Variants in NELFA observed in about 807,000 individuals in gnomAD.
The protein encoded by NELFA is negative elongation factor A.
NELFA carries 35 observed loss-of-function variants against 51.8 expected under a neutral mutation model. The ratio of observed to expected loss-of-function variants is 0.68; its 90% CI spans 0.52 to 0.90. NELFA has a LOEUF of 0.90. Among genes scored for constraint, NELFA ranks in the 40% least tolerant of loss-of-function variants. NELFA has a pLI of 0.00. For missense variants in NELFA, 658 were observed against 746.4 expected, an observed-to-expected ratio of 0.88 and a Z score of 1.38; for synonymous variants, 417 against 338.4, an observed-to-expected ratio of 1.23 and a Z score of -2.55.
chr4:1,991,897 C>G, intron 1 of NELFA, 182 bp from the exon 2 acceptor site: 1 of 610,434 alleles, frequency 1.6e-6, no homozygotes, highest in South Asian at 2.1e-5. Context: ...ACCTTGCTTC[C>G]CTGAGCAGCA....
chr4:1,998,285 G>A (rs751867277), intron 1 of NELFA, among the ~76,000 whole-genome samples: 3 of 152,048 alleles, frequency 2.0e-5, no homozygotes, highest in African/African-American at 4.8e-5. Context: ...AGAACTAGAC[G>A]GAGGATTGGA....
At chr4:1,986,524 G>C (rs774597860) in intron 4 of NELFA, 122 bp from the exon 5 acceptor site, 4 of 1,467,844 alleles carry the variant, frequency 2.7e-6, no homozygotes, top group Non-Finnish European at 3.7e-6. Context: ...CAAACCCCTG[G>C]CGGGCAGCGG....
rs926354076 is a variant in NELFA at position 1,991,787 on chromosome 4, G to A, written c.211-72C>T. 1.4e-5 allele frequency: 21 copies of A among 1,477,980 alleles called. No individual in the cohort carries two copies. The Admixed American group carries it at 3.3e-4, about 23-fold the overall frequency. 91.6% of individuals were successfully genotyped at this position (1,477,980 alleles called of 1,614,324 possible). A position where few individuals can be genotyped will look rare whatever the true frequency, so the allele number is the denominator to read the frequency against. ...CAAGCCCACTCCCTGCTGAGCTTCC[G>A]GATGGGCACTGGGCAGTGGCCGGGC... On this transcript the variant is annotated intron_variant, in intron 1 of 10. Coordinates refer to ENST00000382882, the MANE Select transcript of NELFA (RefSeq NM_005663.5).
chr4:1,993,441 T>C (rs192043638), intron 1 of NELFA, among the ~76,000 whole-genome samples: 1,525 of 152,042 alleles, frequency 0.01, 23 homozygotes, highest in African/African-American at 0.035. Flanking sequence ...TAGCCGGGCG[T>C]GGTAGCGCAT....
chr4:1,989,328 A>C lies in NELFA; in HGVS notation c.544+380T>G, dbSNP rs1438550030. 6.6e-6 allele frequency among the ~76,000 whole-genome samples: 1 copy of C among 151,718 alleles called. No individual in the cohort carries two copies. Among genetic ancestry groups the C allele is most frequent in the Non-Finnish European group, 1.5e-5 (1 of 67,934 alleles). On this transcript the variant is annotated intron_variant, in intron 3 of 10. Coordinates refer to ENST00000382882, the MANE Select transcript of NELFA (RefSeq NM_005663.5). This position sits in a 1 kb window ranked among gnomAD's most constrained non-coding sequence, Gnocchi z 4.8. ...ACTTCTAACAAAAAACTTTATGCAG[A>C]ACTTTATCTTCTTTTTCTTGAGACA...
intron 1 of NELFA, among the ~76,000 whole-genome samples, chr4:2,000,541 G>A (rs1036570213): frequency 2.6e-5 from 4 of 152,038 alleles, no homozygotes; most frequent in African/African-American, 9.7e-5. Context: ...AAATAAACTA[G>A]AAAATCTAGA....
rs1728107570 is a variant in NELFA, at chr4:1,986,587, C to T, written c.635-185G>A. ...AGGAGCAGGGGAACGCCTGGAGCCA[C>T]GACCTCACACTTTGCCAAGACACCA... is the stretch of plus-strand genomic sequence containing the variant. On this transcript the variant is annotated intron_variant, in intron 4 of 10. Transcript: ENST00000382882. 5.9e-6 allele frequency: 5 copies of T among 846,224 alleles called. No individual in the cohort carries two copies. The Admixed American group carries it at 8.7e-5, about 15-fold the overall frequency. 52.4% of individuals were successfully genotyped at this position (846,224 alleles called of 1,614,324 possible).
chr4:2,008,691 C>A, intron 1 of NELFA, 59 bp downstream of exon 1: 1 of 1,540,774 alleles, frequency 6.5e-7, no homozygotes, highest in Non-Finnish European at 8.8e-7. Context: ...GTTGGGTGTG[C>A]GGGTCGGAGG....
At chr4:1,991,836 T>TTCCTCCTG in intron 1 of NELFA, 121 bp from the exon 2 acceptor site, 1 of 1,027,332 alleles carries the variant, frequency 9.7e-7, no homozygotes. Flanking sequence ...CCCCCAACAC[T>TTCCTCCTG]TCCTCCTGAG....
rs1727940575 is a variant in NELFA, at chr4:1,983,067, C to T, written c.*252G>A. 7.5e-6 allele frequency: 3 copies of T among 399,314 alleles called. No individual in the cohort carries two copies. The highest frequency in any genetic ancestry group is 7.9e-5 in the East Asian group (2 of 25,238). The allele number at this position is 399,314 out of a possible 1,614,324, so 24.7% of individuals were successfully genotyped here. On this transcript the variant is annotated 3_prime_UTR_variant, in exon 11 of 11. Transcript: ENST00000382882. The stretch of plus-strand genomic sequence containing the variant: ...ACTTTTTTGGTTAATTTACTTACTA[C>T]ATTCAAAAATGTAACGTTGAGTCCA...
intron 4 of NELFA, chr4:1,987,682 C>T (rs1451189758): frequency 7.4e-6 from 4 of 541,932 alleles, no homozygotes; most frequent in Non-Finnish European, 1.3e-5. Flanking sequence ...CCGTGCCCAG[C>T]ACTGTCCTCA....
At chr4:2,005,976 C>A (rs989553927) in intron 1 of NELFA, among the ~76,000 whole-genome samples, 1 of 152,086 alleles carries the variant, frequency 6.6e-6, no homozygotes, top group Non-Finnish European at 1.5e-5. Context: ...GCAGGCTCTA[C>A]GTGTTTAAGA....
rs757455998 is a variant in NELFA at position 2,008,786 on chromosome 4, G to A, written c.174C>T (p.Leu58=). The A allele has an allele frequency of 6.2e-7, 1 of 1,612,416 alleles. No individual in the cohort carries two copies. The highest frequency in any genetic ancestry group is 2.2e-5 in the East Asian group (1 of 44,778). The change falls in exon 1 of 11, where the codon CTC becomes CTT. Residue 58 remains leucine, a synonymous_variant. Transcript: ENST00000382882. Reference sequence around the variant, plus strand: ...TGCGGCGCGGGAGGTGCAGCGTCCCGAGTAGCAACTTGAGCTTCACTGCCG... The same window carrying A: ...TGCGGCGCGGGAGGTGCAGCGTCCCAAGTAGCAACTTGAGCTTCACTGCCG... The part of the protein sequence containing the change: ...LSSAVKLKLL[L]GTLHLPRRTV...
At chr4:1,990,082 T>A in intron 2 of NELFA, 4 of 595,654 alleles carry the variant, frequency 6.7e-6, no homozygotes, top group Non-Finnish European at 1.2e-5. Flanking sequence ...GAGGCGGGCA[T>A]GCCTTGAGAG....
At chr4:2,007,184 T>C (rs1728731650) in intron 1 of NELFA, 2 of 411,806 alleles carry the variant, frequency 4.9e-6, no homozygotes, top group African/African-American at 2.0e-5. Flanking sequence ...TCCAGCCTGG[T>C]TGACAGCGCC....
At position 1,989,666 on chromosome 4, in the gene NELFA, A is replaced by C. The variant is rs377487314; in HGVS notation, c.544+42T>G. 1.6e-4 allele frequency: 256 copies of C among 1,587,512 alleles called. No homozygotes were observed. Among genetic ancestry groups the C allele is most frequent in the Middle Eastern group, 5.1e-4 (3 of 5,916 alleles). The stretch of plus-strand genomic sequence containing the variant: ...TAGAACCTAAGAAACCTATGACTGG[A>C]AACTACAAAGACAATGCCCGATGGC... On this transcript the variant is annotated intron_variant, in intron 3 of 10. Transcript: ENST00000382882. This position sits in a 1 kb window ranked among gnomAD's most constrained non-coding sequence, Gnocchi z 4.8.
At chr4:1,985,737 G>A (rs753542127) in intron 7 of NELFA, 39 bp downstream of exon 7, 16 of 1,532,962 alleles carry the variant, frequency 1.0e-5, no homozygotes, top group South Asian at 5.6e-5. Flanking sequence ...AGGGGCACCC[G>A]CAGTGGTGCC....
At chr4:1,991,994 A>ACT (rs60485214) in intron 1 of NELFA, 97,099 of 366,450 alleles carry the variant, frequency 0.26, 14,251 homozygotes, top group African/African-American at 0.34. Context: ...CACTGGGCCT[A>ACT]CTCTTCCACC....
intron 1 of NELFA, among the ~76,000 whole-genome samples, chr4:1,995,874 C>G (rs1728407911): frequency 6.9e-6 from 1 of 145,442 alleles, no homozygotes; most frequent in South Asian, 2.2e-4. Context: ...CCTCTTCTCA[C>G]TGATTTTTTT....
Sources: allele counts gnomAD v4.1 joint callset (sites outside exome capture counted in the v4.1 genomes callset), GRCh38; gene constraint gnomAD v4.1.1; non-coding constraint Gnocchi (gnomAD v3.1); transcripts MANE v1.5; gene names NCBI Gene and HGNC (gene_info 2026-07-23, HGNC 2026-07-21).